PRORP: variants seen among roughly 807,000 people sequenced by gnomAD.
PRORP encodes the protein mitochondrial ribonuclease P catalytic subunit.
Under a neutral mutation model 59.4 loss-of-function variants are expected in PRORP, and 51 were observed. The ratio of observed to expected loss-of-function variants is 0.86; its 90% CI spans 0.69 to 1.08. The LOEUF is 1.08. PRORP is among the 50% of genes least tolerant of loss of function. The pLI, the probability that PRORP is intolerant of heterozygous loss-of-function variation, is 0.00. For missense variants in PRORP, 646 were observed against 690.3 expected, an observed-to-expected ratio of 0.94 and a Z score of 0.72; for synonymous variants, 231 against 245.6, an observed-to-expected ratio of 0.94 and a Z score of 0.55.
chr14:35,269,314 T>A lies in PRORP; in HGVS notation c.1425-1087T>A, dbSNP rs143134554. ...TATTATTTTCCTTATATGGAAAAAT[T>A]AGATAAATTTGAAGTGTTATGACCA... On this transcript the variant is annotated intron_variant, in intron 6 of 7. Coordinates refer to ENST00000534898, the MANE Select transcript of PRORP (RefSeq NM_014672.4). Among the ~76,000 whole-genome samples, 654 of 152,300 alleles carry A rather than the reference T, an allele frequency of 4.3e-3. 6 individuals are homozygous for A. The highest frequency in any genetic ancestry group is 0.015 in the African/African-American group (631 of 41,568).
chr14:35,121,929 G>C (rs1272091621), upstream of PRORP: 1 of 1,614,202 alleles, frequency 6.2e-7, no homozygotes, highest in South Asian at 1.1e-5. Context: ...GGCGTCGCTA[G>C]GCGCCGACGA....
At chr14:35,185,035 G>A (rs1325151687) in intron 5 of PRORP, among the ~76,000 whole-genome samples, 4 of 152,120 alleles carry the variant, frequency 2.6e-5, no homozygotes. Context: ...CTGGGTATAT[G>A]CTCAGTAATG....
At chr14:35,177,579 C>T (rs184847404) in intron 4 of PRORP, among the ~76,000 whole-genome samples, 9,051 of 152,046 alleles carry the variant, frequency 0.06, 489 homozygotes, top group Admixed American at 0.18. Context: ...TCTGTGGGAT[C>T]GGTGGTGATA....
At chr14:35,121,943 ACTT>A (rs773946419), upstream of PRORP, 43 of 1,614,098 alleles carry the variant, frequency 2.7e-5, no homozygotes, top group Middle Eastern at 1.6e-4. Flanking sequence ...CCGACGAAGA[ACTT>A]CTTTCCAGTC....
intron 7 of PRORP, among the ~76,000 whole-genome samples, chr14:35,271,750 C>G (rs183503467): frequency 6.6e-6 from 1 of 152,070 alleles, no homozygotes; most frequent in East Asian, 1.9e-4. Flanking sequence ...ATTGGCTGGG[C>G]GTGATGGCTC....
At chr14:35,152,597 CG>C (rs1020144363) in intron 4 of PRORP, among the ~76,000 whole-genome samples, 1 of 151,364 alleles carries the variant, frequency 6.6e-6, no homozygotes, top group African/African-American at 2.4e-5. Flanking sequence ...GCTGGCCGGG[CG>C]GGGGCTGACC....
rs1410585536 is a variant in PRORP at position 35,277,564 on chromosome 14, A to C, written c.*3998A>C. ...AAGCCATAGAAATTAACAGGATGAA[A>C]ATACAAGAGACAGGAACACAGATGA... On this transcript the variant is annotated 3_prime_UTR_variant, in exon 8 of 8. Transcript: ENST00000534898. The C allele has an allele frequency of 6.6e-6, 1 of 152,198 alleles. No homozygotes were observed. Among genetic ancestry groups the C allele is most frequent in the East Asian group, 1.9e-4 (1 of 5,200 alleles). The allele number at this position is 152,198 out of a possible 1,614,324, so 9.4% of individuals were successfully genotyped here.
chr14:35,230,584 G>A (rs1321286661), intron 5 of PRORP, among the ~76,000 whole-genome samples: 3 of 152,132 alleles, frequency 2.0e-5, no homozygotes, highest in Non-Finnish European at 2.9e-5. Context: ...CACTGTGCTG[G>A]GTAGGTATCC....
intron 5 of PRORP, among the ~76,000 whole-genome samples, chr14:35,254,072 T>C (rs960526574): frequency 6.6e-6 from 1 of 150,582 alleles, no homozygotes; most frequent in African/African-American, 2.4e-5. Context: ...CCTTGAGATA[T>C]CAAAAGCTCC....
intron 5 of PRORP, among the ~76,000 whole-genome samples, chr14:35,201,969 A>AT (rs1371816783): frequency 6.6e-4 from 77 of 116,958 alleles, no homozygotes; most frequent in Middle Eastern, 7.1e-3. Context: ...CAAAATTATT[A>AT]TTATTTTTTT....
chr14:35,233,095 T>C (rs1003642971), intron 5 of PRORP, among the ~76,000 whole-genome samples: 1 of 150,922 alleles, frequency 6.6e-6, no homozygotes, highest in Non-Finnish European at 1.5e-5. Flanking sequence ...AACTTCAGTT[T>C]CCCCTTTTCT....
intron 5 of PRORP, among the ~76,000 whole-genome samples, chr14:35,255,747 A>T (rs1004954204): frequency 6.6e-6 from 1 of 152,174 alleles, no homozygotes; most frequent in African/African-American, 2.4e-5. Flanking sequence ...TACCATAGGG[A>T]TGCAATCGGT....
At chr14:35,131,819 C>T (rs534114795) in intron 4 of PRORP, among the ~76,000 whole-genome samples, 39 of 150,398 alleles carry the variant, frequency 2.6e-4, no homozygotes, top group South Asian at 8.4e-4. Flanking sequence ...AGGTGTGAGC[C>T]ACCACACCTA....
At chr14:35,172,066 TG>T (rs2048323818) in intron 4 of PRORP, among the ~76,000 whole-genome samples, 2 of 151,492 alleles carry the variant, frequency 1.3e-5, no homozygotes, top group African/African-American at 4.8e-5. Flanking sequence ...TTTTTTTTTT[TG>T]AGATGGAGTT....
chr14:35,184,289 G>A (rs151031325), intron 5 of PRORP, among the ~76,000 whole-genome samples: 58 of 152,120 alleles, frequency 3.8e-4, no homozygotes, highest in African/African-American at 1.2e-3. Flanking sequence ...AGTTGTAAAT[G>A]TATTTTATTT....
At chr14:35,193,736 A>G (rs922977021) in intron 5 of PRORP, among the ~76,000 whole-genome samples, 1 of 152,098 alleles carries the variant, frequency 6.6e-6, no homozygotes, top group African/African-American at 2.4e-5. Context: ...AAACTTAGAA[A>G]TACCCTATTA....
intron 5 of PRORP, among the ~76,000 whole-genome samples, chr14:35,218,380 G>A (rs1328446237): frequency 7.0e-6 from 1 of 143,104 alleles, no homozygotes; most frequent in Non-Finnish European, 1.5e-5. Flanking sequence ...AGGATCACTT[G>A]AGCCCAGGAG....
chr14:35,260,922 G>A (rs1246746621), intron 5 of PRORP, among the ~76,000 whole-genome samples: 2 of 152,138 alleles, frequency 1.3e-5, no homozygotes, highest in East Asian at 1.9e-4. Context: ...GCAACAAAGC[G>A]ATCCATCCAA....
intron 4 of PRORP, among the ~76,000 whole-genome samples, chr14:35,148,057 G>A (rs1313760574): frequency 3.3e-5 from 5 of 152,056 alleles, no homozygotes; most frequent in Non-Finnish European, 7.4e-5. Flanking sequence ...GAATCCCTCC[G>A]AGTCATCCAT....
Sources: gnomAD v4.1 joint callset for allele counts (sites outside exome capture counted in the v4.1 genomes callset) on GRCh38, gnomAD v4.1.1 for gene constraint, MANE v1.5 for transcripts, NCBI Gene and HGNC (gene_info 2026-07-23, HGNC 2026-07-21) for gene names.